Variants in POLE observed in about 807,000 individuals in gnomAD.
The protein encoded by POLE is DNA polymerase epsilon catalytic subunit A.
Under a neutral mutation model 279.2 loss-of-function variants are expected in POLE, and 188 were observed. The ratio of observed to expected loss-of-function variants is 0.67; its 90% CI spans 0.60 to 0.76. The LOEUF (loss-of-function observed/expected upper bound fraction) is 0.76. Among genes scored for constraint, POLE ranks in the 30% least tolerant of loss-of-function variants. POLE has a pLI of 0.00. For missense variants in POLE, 2,703 were observed against 3,016.7 expected (o/e 0.90, Z 2.44); for synonymous variants, 1,214 against 1,172.5 (o/e 1.04, Z -0.72).
At chr12:132,682,947 C>T (rs557369598) in intron 1 of POLE, among the ~76,000 whole-genome samples, 2 of 150,852 alleles carry the variant, frequency 1.3e-5, no homozygotes, top group East Asian at 1.9e-4. Context: ...AGCGAGACTC[C>T]GTCTAAAAAA....
At position 132,634,161 on chromosome 12, in the gene POLE, G is replaced by A; in HGVS notation, c.6004+25C>T. 6.3e-7 allele frequency: 1 copy of A among 1,587,836 alleles called. No homozygotes were observed. The highest frequency in any genetic ancestry group is 1.2e-5 in the South Asian group (1 of 86,564). On this transcript the variant is annotated intron_variant, in intron 43 of 48. Transcript: ENST00000320574. This position sits in a 1 kb window ranked among gnomAD's most constrained non-coding sequence, Gnocchi z 4.0. ...ACCATGAGTCCCTTCAGTGGGGGCT[G>A]CGCAGCCCTGGGCTCTGGGCTTACC...
rs1050400336 is a variant in POLE at position 132,664,876 on chromosome 12, G to A, written c.2469-414C>T. Among the ~76,000 whole-genome samples, 1 of 151,904 alleles carries A rather than the reference G, an allele frequency of 6.6e-6. No homozygotes were observed. The highest frequency in any genetic ancestry group is 2.4e-5 in the African/African-American group (1 of 41,334). ...CTCCAGCCTGGGTCCCAGCCCTGCT[G>A]TCAGCTGTCCCACCCTCCCCTCCCG... On this transcript the variant is annotated intron_variant, in intron 21 of 48. Transcript: ENST00000320574. The surrounding 1 kb of genome is among the most constrained non-coding windows in gnomAD (Gnocchi z 5.3).
chr12:132,646,621 C>G lies in POLE; in HGVS notation c.4149+2308G>C, dbSNP rs2042290157. Among the ~76,000 whole-genome samples the G allele has an allele frequency of 2.0e-5, 3 of 151,780 alleles. No homozygotes were observed. The South Asian group carries it at 6.3e-4, about 32-fold the overall frequency. ...CCGAGGTGGATGGATTACCTGAGGTCAGGAGTTCGAGACCAGCCTAACCAA... is the reference window on the plus strand; with the variant it reads ...CCGAGGTGGATGGATTACCTGAGGTGAGGAGTTCGAGACCAGCCTAACCAA... On this transcript the variant is annotated intron_variant, in intron 32 of 48. Coordinates refer to ENST00000320574, the MANE Select transcript of POLE (RefSeq NM_006231.4).
intron 19 of POLE, 74 bp from the exon 20 acceptor site, chr12:132,667,722 C>T (rs2135972071): frequency 1.3e-6 from 2 of 1,494,552 alleles, no homozygotes; most frequent in East Asian, 4.5e-5. Context: ...CACAGGGGTG[C>T]TGAAGAACAT....
rs896266569 is a variant in POLE at position 132,638,101 on chromosome 12, A to G, written c.5591T>C (p.Ile1864Thr). ...AEFKRLGSSV[I>T]YANFNRIILC... is the part of the protein sequence containing the mutation. ...GATGATGCGGTTGAAGTTGGCGTAG[A>G]TGACTGATGACCCCAGGCGCTTGAA... Residue 1864 changes from isoleucine (I) to threonine (T), a missense_variant, in exon 41 of 49, where the codon ATC becomes ACC. Around this residue, in one of 5 missense-constraint regions of POLE, gnomAD observed 1,551 missense variants for 1,686.1 expected, o/e 0.92. Transcript: ENST00000320574. 5.0e-6 allele frequency: 8 copies of G among 1,613,950 alleles called. No individual in the cohort carries two copies. Among genetic ancestry groups the G allele is most frequent in the South Asian group, 1.1e-5 (1 of 91,074 alleles).
At chr12:132,657,459 C>T (rs1320071391) in intron 27 of POLE, 30 bp from the exon 28 acceptor site, 6 of 1,587,552 alleles carry the variant, frequency 3.8e-6, no homozygotes, top group South Asian at 2.2e-5. Context: ...GCACAGAGAA[C>T]AGCAGGTGGC....
In POLE at chr12:132,657,975, G is replaced by A. The variant is rs1293099867; in HGVS notation, c.3276-5C>T. On this transcript the variant is annotated splice_region_variant and splice_polypyrimidine_tract_variant and intron_variant, in intron 26 of 48. Coordinates refer to ENST00000320574, the MANE Select transcript of POLE (RefSeq NM_006231.4). ...AAAATGGCAAGTGGGATGGCCCTGG[G>A]TAAGGAAGACAGGCACACAGCTCAG... 4 of 1,596,850 alleles carry A rather than the reference G, an allele frequency of 2.5e-6. No individual in the cohort carries two copies. Among genetic ancestry groups the A allele is most frequent in the Non-Finnish European group, 3.4e-6 (4 of 1,164,328 alleles).
At chr12:132,640,114 C>T (rs2042113277) in intron 39 of POLE, among the ~76,000 whole-genome samples, 1 of 152,216 alleles carries the variant, frequency 6.6e-6, no homozygotes, top group Admixed American at 6.5e-5. Context: ...CATTCAGGCG[C>T]TCGCCCGTGA....
rs2042359691 is a variant in POLE at position 132,649,253 on chromosome 12, C to G, written c.4005+53G>C. ...ACCTCAGGGCCCAGCTGGACACCCC[C>G]TCCCTGGGCCATCAGCAGAGCCACT... On this transcript the variant is annotated intron_variant, in intron 31 of 48. Transcript: ENST00000320574. The G allele has an allele frequency of 2.5e-6, 4 of 1,580,670 alleles. No homozygotes were observed. In the Admixed American group the frequency reaches 5.0e-5, roughly 20 times the overall value.
chr12:132,669,790 G>A (rs1034219936), intron 16 of POLE, among the ~76,000 whole-genome samples: 9 of 152,222 alleles, frequency 5.9e-5, no homozygotes, highest in Non-Finnish European at 8.8e-5. Flanking sequence ...CCACGTGGCT[G>A]TGAGCCCCTG....
intron 1 of POLE, among the ~76,000 whole-genome samples, chr12:132,682,948 G>A (rs894447313): frequency 4.6e-5 from 7 of 151,240 alleles, no homozygotes; most frequent in Non-Finnish European, 7.4e-5. Flanking sequence ...GCGAGACTCC[G>A]TCTAAAAAAA....
intron 29 of POLE, 150 bp downstream of exon 29, chr12:132,656,986 G>C: frequency 2.6e-6 from 2 of 770,910 alleles, no homozygotes; most frequent in Non-Finnish European, 2.1e-6. Flanking sequence ...GAGTTAGAGA[G>C]TAAAGTGCCA....
chr12:132,657,495 A>AG (rs2042572847), intron 27 of POLE, 66 bp from the exon 28 acceptor site: 1 of 1,329,636 alleles, frequency 7.5e-7, no homozygotes, highest in Non-Finnish European at 1.1e-6. Context: ...GGCTCACTTC[A>AG]TGCTGAGCAC....
intron 20 of POLE, 28 bp from the exon 21 acceptor site, chr12:132,665,478 T>C (rs199693164): frequency 6.3e-7 from 1 of 1,582,482 alleles, no homozygotes; most frequent in Admixed American, 1.7e-5. Context: ...ATGGAGCACC[T>C]CACAGATTCT....
chr12:132,625,816 C>T, intron 46 of POLE, 46 bp from the exon 47 acceptor site: 3 of 1,594,054 alleles, frequency 1.9e-6, no homozygotes, highest in Non-Finnish European at 2.6e-6. Context: ...AGCCTCCAGA[C>T]CACAGTGCCA....
Position 132,687,248 on chromosome 12 carries a change from C to T in POLE, c.62+6G>A, listed in dbSNP as rs1060500861. ...GGCCCGAGAGCCTCAGGAGGGCGCC[C>T]CTCACCTGCTGGCCTCGCCATCCGC... is the stretch of plus-strand genomic sequence containing the variant. On this transcript the variant is annotated splice_donor_region_variant and intron_variant, in intron 1 of 48. Coordinates refer to ENST00000320574, the MANE Select transcript of POLE (RefSeq NM_006231.4). The T allele has an allele frequency of 1.3e-6, 2 of 1,493,052 alleles. No homozygotes were observed. The highest frequency in any genetic ancestry group is 1.2e-5 in the South Asian group (1 of 80,078). The allele number at this position is 1,493,052 out of a possible 1,614,324, so 92.5% of individuals were successfully genotyped here.
chr12:132,675,723 A>G lies in POLE; in HGVS notation c.1106+12T>C, dbSNP rs781673811. 5.0e-6 allele frequency: 8 copies of G among 1,610,978 alleles called. No homozygotes were observed. In the African/African-American group the frequency reaches 5.3e-5, roughly 11 times the overall value. ...TGCTGCCCAGTTACTCATAGAGAAG[A>G]CACAGACTCACCAGTCAAAAAAGTC... is the stretch of plus-strand genomic sequence containing the variant. On this transcript the variant is annotated intron_variant, in intron 11 of 48. Coordinates refer to ENST00000320574, the MANE Select transcript of POLE (RefSeq NM_006231.4). This position sits in a 1 kb window ranked among gnomAD's most constrained non-coding sequence, Gnocchi z 4.3.
At chr12:132,677,228 A>G (rs956938377) in intron 8 of POLE, 135 bp downstream of exon 8, 24 of 702,308 alleles carry the variant, frequency 3.4e-5, no homozygotes, top group Non-Finnish European at 5.1e-5. Context: ...TTCTAACTCC[A>G]TATTTCCTTT....
Position 132,641,683 on chromosome 12 carries a change from C to G in POLE, c.5342G>C (p.Ser1781Thr), listed in dbSNP as rs1593727430. The G allele has an allele frequency of 6.2e-7, 1 of 1,614,020 alleles. No homozygotes were observed. Among genetic ancestry groups the G allele is most frequent in the Admixed American group, 1.7e-5 (1 of 60,030 alleles). ...TGGQAASAPA[S>T]YDETALCSNT... is the part of the protein sequence containing the mutation. ...AGAGCACAGGGCTGTCTCATCGTAG[C>G]TGGCCGGGGCACTGGCAGCCTGACC... The change falls in exon 39 of 49, where the codon AGC becomes ACC. Residue 1781 changes from serine (S) to threonine (T), a missense_variant. Transcript: ENST00000320574.
Sources: allele counts gnomAD v4.1 joint callset (sites outside exome capture counted in the v4.1 genomes callset), GRCh38; gene constraint gnomAD v4.1.1; regional missense constraint gnomAD v4.1.1; non-coding constraint Gnocchi (gnomAD v3.1); transcripts MANE v1.5; gene names NCBI Gene and HGNC (gene_info 2026-07-23, HGNC 2026-07-21).